SLC24A2: variants seen among roughly 807,000 people sequenced by gnomAD.
The protein encoded by SLC24A2 is solute carrier family 24 member 2, also known as sodium/potassium/calcium exchanger 2.
SLC24A2 carries 36 observed loss-of-function variants against 62.0 expected under a neutral mutation model. The ratio of observed to expected loss-of-function variants is 0.58; its 90% CI spans 0.44 to 0.77. The LOEUF (loss-of-function observed/expected upper bound fraction) is 0.77, where lower values mean the gene tolerates loss of function less well. Among genes scored for constraint, SLC24A2 ranks in the 30% least tolerant of loss-of-function variants. The pLI is 0.00. For synonymous variants in SLC24A2, 358 were observed against 294.0 expected (o/e 1.22, Z -2.23); for missense variants, 846 against 817.9 (o/e 1.03, Z -0.42).
chr9:19,940,439 T>C, the SLC24A2 span, among the ~76,000 whole-genome samples: 9 of 152,234 alleles, frequency 5.9e-5, no homozygotes, highest in Non-Finnish European at 1.0e-4. Flanking sequence ...ATTTACTCTG[T>C]GACCTTAGGT....
intron 2 of SLC24A2, among the ~76,000 whole-genome samples, chr9:19,647,426 A>C (rs913112913): frequency 1.3e-5 from 2 of 152,210 alleles, no homozygotes; most frequent in Non-Finnish European, 2.9e-5. Context: ...CTGAAGAAGT[A>C]AGAAGCACTG....
At chr9:19,579,317 C>T (rs1417223247) in intron 5 of SLC24A2, among the ~76,000 whole-genome samples, 1 of 152,194 alleles carries the variant, frequency 6.6e-6, no homozygotes, top group Non-Finnish European at 1.5e-5. Flanking sequence ...ATGCAAGATA[C>T]TTTCCTGGCT....
chr9:19,974,148 A>G, the SLC24A2 span, among the ~76,000 whole-genome samples: 1 of 152,180 alleles, frequency 6.6e-6, no homozygotes, highest in African/African-American at 2.4e-5. Flanking sequence ...CTTTACTTAT[A>G]GGTGCTATAA....
the SLC24A2 span, among the ~76,000 whole-genome samples, chr9:19,990,015 A>C: frequency 9.4e-3 from 1,438 of 152,250 alleles, 27 homozygotes; most frequent in African/African-American, 0.033. Flanking sequence ...AAATGATGAG[A>C]CTGGTGAGCT....
intron 2 of SLC24A2, among the ~76,000 whole-genome samples, chr9:19,702,466 C>A (rs1004776511): frequency 6.6e-6 from 1 of 152,140 alleles, no homozygotes; most frequent in Non-Finnish European, 1.5e-5. Context: ...TTTAACAACC[C>A]ATGGTGACTT....
intron 5 of SLC24A2, among the ~76,000 whole-genome samples, chr9:19,588,184 T>C (rs1279565750): frequency 2.6e-5 from 4 of 151,226 alleles, no homozygotes; most frequent in East Asian, 3.9e-4. Flanking sequence ...TTTTCTTTTT[T>C]TTTTTTTTTT....
intron 2 of SLC24A2, among the ~76,000 whole-genome samples, chr9:19,687,049 G>A (rs1819903558): frequency 6.6e-6 from 1 of 152,050 alleles, no homozygotes; most frequent in Admixed American, 6.6e-5. Flanking sequence ...AATACCACAT[G>A]TTCTCACTTA....
chr9:19,705,569 C>A, intron 2 of SLC24A2: 1 of 230,882 alleles, frequency 4.3e-6, no homozygotes. Context: ...AGTGGAAGCC[C>A]CCCAAAACTA....
chr9:20,297,305 A>T, the SLC24A2 span, among the ~76,000 whole-genome samples: 1 of 152,186 alleles, frequency 6.6e-6, no homozygotes, highest in Admixed American at 6.5e-5. Flanking sequence ...GATCAGCATC[A>T]TCCATTTTAC....
chr9:19,535,592 C>T (rs1833924654), intron 8 of SLC24A2, among the ~76,000 whole-genome samples: 1 of 152,140 alleles, frequency 6.6e-6, no homozygotes, highest in Non-Finnish European at 1.5e-5. Context: ...TTTCCCAGCA[C>T]CATTGATTAC....
At chr9:19,595,828 G>A (rs1254872318) in intron 5 of SLC24A2, among the ~76,000 whole-genome samples, 1 of 152,094 alleles carries the variant, frequency 6.6e-6, no homozygotes, top group Non-Finnish European at 1.5e-5. Flanking sequence ...CAGGTCAGGT[G>A]GATGCTAACA....
Position 19,599,202 on chromosome 9 carries a change from A to C in SLC24A2, c.1079-1923T>G, listed in dbSNP as rs1466515234. ...ATAAATAAATACATTCATATTGTTT[A>C]ATTATCATTTTATTTGTACATAGTT... On this transcript the variant is annotated intron_variant, in intron 4 of 10. Transcript: ENST00000341998. The surrounding 1 kb of genome is among the most constrained non-coding windows in gnomAD (Gnocchi z 4.5). Among the ~76,000 whole-genome samples, 1 of 152,194 alleles carries C rather than the reference A, an allele frequency of 6.6e-6. No homozygotes were observed. Among genetic ancestry groups the C allele is most frequent in the African/African-American group, 2.4e-5 (1 of 41,442 alleles).
the SLC24A2 span, among the ~76,000 whole-genome samples, chr9:20,197,826 A>G: frequency 6.6e-6 from 1 of 152,178 alleles, no homozygotes; most frequent in Non-Finnish European, 1.5e-5. Context: ...CACAAGCAGG[A>G]TTGGTTCAAA....
the SLC24A2 span, among the ~76,000 whole-genome samples, chr9:19,903,767 G>C: frequency 6.6e-6 from 1 of 152,218 alleles, no homozygotes; most frequent in Non-Finnish European, 1.5e-5. Flanking sequence ...ACCTCTTTAA[G>C]ATGGTCCAGT....
chr9:19,518,429 T>C (rs1372391466), intron 10 of SLC24A2, among the ~76,000 whole-genome samples: 1 of 150,258 alleles, frequency 6.7e-6, no homozygotes, highest in Non-Finnish European at 1.5e-5. Flanking sequence ...TCTTTTCTTT[T>C]TTTTTTTTTT....
intron 5 of SLC24A2, among the ~76,000 whole-genome samples, chr9:19,592,907 A>T (rs1278966946): frequency 2.6e-5 from 4 of 152,138 alleles, no homozygotes; most frequent in Non-Finnish European, 5.9e-5. Flanking sequence ...GGGTAGCTGA[A>T]GTTACCAAAA....
intron 2 of SLC24A2, among the ~76,000 whole-genome samples, chr9:19,713,448 A>G (rs1165192806): frequency 6.6e-6 from 1 of 152,212 alleles, no homozygotes; most frequent in Non-Finnish European, 1.5e-5. Flanking sequence ...TGAATGCGAA[A>G]ATAAATTATA....
chr9:20,086,709 C>T, the SLC24A2 span, among the ~76,000 whole-genome samples: 28 of 152,282 alleles, frequency 1.8e-4, no homozygotes, highest in Admixed American at 1.3e-3. Flanking sequence ...TTTGGTGTGC[C>T]TCTTAGTTTC....
At chr9:19,697,110 TA>T in intron 2 of SLC24A2, among the ~76,000 whole-genome samples, 1 of 152,128 alleles carries the variant, frequency 6.6e-6, no homozygotes, top group Non-Finnish European at 1.5e-5. Context: ...TCTAGGAAAT[TA>T]AAAAAATAAC....
Sources: gnomAD v4.1 joint callset for allele counts (sites outside exome capture counted in the v4.1 genomes callset) on GRCh38, gnomAD v4.1.1 for gene constraint, Gnocchi (gnomAD v3.1) non-coding constraint, MANE v1.5 for transcripts, NCBI Gene and HGNC (gene_info 2026-07-23, HGNC 2026-07-21) for gene names.